Variants in CPEB3 observed in about 807,000 individuals in gnomAD.
CPEB3 encodes the protein cytoplasmic polyadenylation element-binding protein 3.
Under a neutral mutation model 67.2 loss-of-function variants are expected in CPEB3, and 20 were observed. That is an observed-to-expected ratio of 0.30 (90% CI 0.21 to 0.43). CPEB3 has a LOEUF of 0.43. Ranked by LOEUF, CPEB3 falls within the 20% of genes least tolerant of loss-of-function variation. The pLI is 1.00. For missense variants in CPEB3, 746 were observed against 968.6 expected (o/e 0.77, Z 3.05); for synonymous variants, 376 against 393.1 (o/e 0.96, Z 0.51).
intron 1 of CPEB3, among the ~76,000 whole-genome samples, chr10:92,250,954 C>G (rs139429975): frequency 2.1e-5 from 3 of 142,206 alleles, no homozygotes; most frequent in Non-Finnish European, 1.5e-5. Flanking sequence ...TGGTCTTGAA[C>G]TCCTGAGCTC....
chr10:92,259,458 G>A (rs771105143), intron 1 of CPEB3, among the ~76,000 whole-genome samples: 31 of 151,830 alleles, frequency 2.0e-4, no homozygotes, highest in East Asian at 2.0e-4. Flanking sequence ...AAAATTAGCC[G>A]GGCGTGGTGG....
chr10:92,238,165 G>A (rs1851631554), intron 2 of CPEB3, among the ~76,000 whole-genome samples: 1 of 152,166 alleles, frequency 6.6e-6, no homozygotes, highest in African/African-American at 2.4e-5. Flanking sequence ...TCTTGTTGGA[G>A]GCCTTCCCCT....
At chr10:92,263,899 A>T (rs1852921817) in intron 1 of CPEB3, among the ~76,000 whole-genome samples, 1 of 152,130 alleles carries the variant, frequency 6.6e-6, no homozygotes, top group Non-Finnish European at 1.5e-5. Flanking sequence ...GTTTATACTA[A>T]CTAGCATTCC....
chr10:92,216,087 C>T (rs1850370797), intron 2 of CPEB3, among the ~76,000 whole-genome samples: 2 of 146,046 alleles, frequency 1.4e-5, no homozygotes, highest in Non-Finnish European at 1.5e-5. Flanking sequence ...ATCAGATACT[C>T]TCTAAATCCT....
intron 6 of CPEB3, chr10:92,118,710 G>T: frequency 1.4e-6 from 1 of 724,872 alleles, no homozygotes; most frequent in Non-Finnish European, 2.6e-6. Flanking sequence ...GCCCACTTTA[G>T]CCCTCAGCTC....
chr10:92,272,829 A>G (rs924869610), intron 1 of CPEB3, among the ~76,000 whole-genome samples: 1 of 152,214 alleles, frequency 6.6e-6, no homozygotes, highest in African/African-American at 2.4e-5. Context: ...TCAGGTGAGT[A>G]ACGTGATCAG....
chr10:92,053,594 T>C (rs1421184162), intron 9 of CPEB3, among the ~76,000 whole-genome samples: 1 of 149,116 alleles, frequency 6.7e-6, no homozygotes, highest in Non-Finnish European at 1.5e-5. Context: ...CAGGCTGGAG[T>C]GCAGTGGCAC....
At chr10:92,280,654 GA>G (rs373137395) in intron 1 of CPEB3, among the ~76,000 whole-genome samples, 25,603 of 80,844 alleles carry the variant, frequency 0.32, 2,311 homozygotes, top group Non-Finnish European at 0.37. Context: ...GGCCGAGAGT[GA>G]AAAAAAAAAA....
At chr10:92,118,698 G>A (rs76360699) in intron 6 of CPEB3, 16 of 709,532 alleles carry the variant, frequency 2.3e-5, no homozygotes, top group Admixed American at 7.7e-5. Context: ...CATTGCCTCC[G>A]AGCCCACTTT....
Position 92,083,508 on chromosome 10 carries a change from G to A in CPEB3, c.1688-2007C>T, listed in dbSNP as rs3781234. Among the ~76,000 whole-genome samples the A allele has an allele frequency of 3.2e-4, 48 of 148,868 alleles. No homozygotes were observed. In the East Asian group the frequency reaches 9.1e-3, roughly 28 times the overall value. ...TGATGGTTTGAGAATCTCCTCATAC[G>A]GCTAATGTTACTGCAGTAACAGAGA... On this transcript the variant is annotated intron_variant, in intron 8 of 9. Coordinates refer to ENST00000265997, the MANE Select transcript of CPEB3 (RefSeq NM_014912.5).
chr10:92,127,441 C>CAAA (rs1845654702), intron 6 of CPEB3, among the ~76,000 whole-genome samples: 1 of 151,952 alleles, frequency 6.6e-6, no homozygotes, highest in Non-Finnish European at 1.5e-5. Context: ...TTTGGGAGAC[C>CAAA]GAGGCAGGTG....
At chr10:92,283,813 G>C (rs1483568755) in intron 1 of CPEB3, among the ~76,000 whole-genome samples, 9 of 138,468 alleles carry the variant, frequency 6.5e-5, no homozygotes, top group Admixed American at 5.8e-4. Context: ...TGCAACCTCT[G>C]CCTCCCCAGT....
intron 8 of CPEB3, among the ~76,000 whole-genome samples, chr10:92,085,899 C>T (rs1402159693): frequency 6.6e-6 from 1 of 152,118 alleles, no homozygotes; most frequent in East Asian, 1.9e-4. Context: ...CGTGAGCCAC[C>T]GTGCTTGGCC....
chr10:92,114,941 T>C (rs1475904208), intron 6 of CPEB3, among the ~76,000 whole-genome samples: 2 of 152,260 alleles, frequency 1.3e-5, no homozygotes, highest in Non-Finnish European at 2.9e-5. Flanking sequence ...AAAATTAAAG[T>C]TGAGTTTTTG....
chr10:92,271,726 C>T (rs1487721971), intron 1 of CPEB3, among the ~76,000 whole-genome samples: 1 of 152,154 alleles, frequency 6.6e-6, no homozygotes, highest in African/African-American at 2.4e-5. Context: ...CTACCAGATT[C>T]GGCCATTGTA....
rs184096758 is a variant in CPEB3 at position 92,165,060 on chromosome 10, C to A, written c.1222+15903G>T. ...GTCACACAATTTTTTTATTTCCTAG[C>A]GCATACAAGTTATGTTTATATTATA... On this transcript the variant is annotated intron_variant, in intron 4 of 9. Transcript: ENST00000265997. Among the ~76,000 whole-genome samples the A allele has an allele frequency of 9.2e-5, 14 of 152,210 alleles. No individual in the cohort carries two copies. In the South Asian group the frequency reaches 1.2e-3, roughly 14 times the overall value.
chr10:92,121,363 A>AT (rs1404083670), intron 6 of CPEB3, among the ~76,000 whole-genome samples: 5 of 145,678 alleles, frequency 3.4e-5, no homozygotes, highest in African/African-American at 1.3e-4. Context: ...ATATATATAA[A>AT]ATATATTTTA....
intron 2 of CPEB3, among the ~76,000 whole-genome samples, chr10:92,217,256 C>T (rs1590417053): frequency 1.5e-5 from 2 of 136,528 alleles, no homozygotes; most frequent in South Asian, 2.3e-4. Context: ...TATACACACA[C>T]ACACACACAC....
chr10:92,285,009 T>G (rs1036860878), intron 1 of CPEB3, among the ~76,000 whole-genome samples: 1 of 152,148 alleles, frequency 6.6e-6, no homozygotes, highest in Non-Finnish European at 1.5e-5. Context: ...GGCTGGGAAG[T>G]CCAAGATCAA....
Sources: gnomAD v4.1 joint callset for allele counts (sites outside exome capture counted in the v4.1 genomes callset) on GRCh38, gnomAD v4.1.1 for gene constraint, MANE v1.5 for transcripts, NCBI Gene and HGNC (gene_info 2026-07-23, HGNC 2026-07-21) for gene names.